SYTL4: variants seen among roughly 807,000 people sequenced by gnomAD.
The protein encoded by SYTL4 is synaptotagmin-like protein 4.
In SYTL4, 16 loss-of-function variants were observed where a neutral mutation model predicts 52.7. The ratio of observed to expected loss-of-function variants is 0.30; its 90% CI spans 0.21 to 0.46. The LOEUF is 0.46. SYTL4 is among the 20% of genes least tolerant of loss of function. SYTL4 has a pLI of 1.00. For missense variants in SYTL4, 423 were observed against 519.9 expected, an observed-to-expected ratio of 0.81 and a Z score of 1.81; for synonymous variants, 160 against 186.6, an observed-to-expected ratio of 0.86 and a Z score of 1.16.
At chrX:100,686,450 A>G (rs1356794009) in intron 15 of SYTL4, 2 of 391,171 alleles carry the variant, frequency 5.1e-6, no homozygotes, top group Non-Finnish European at 8.7e-6. Context: ...TCTTTTTTAC[A>G]TGAGATTTGT....
chrX:100,693,786 A>T (rs2083649686), intron 8 of SYTL4, among the ~76,000 whole-genome samples: 1 of 112,901 alleles, frequency 8.9e-6, no homozygotes, highest in Non-Finnish European at 1.9e-5. Flanking sequence ...AAAACATCCT[A>T]AATGTCCATC....
chrX:100,722,860 C>T (rs907399926), intron 2 of SYTL4, among the ~76,000 whole-genome samples: 3 of 111,567 alleles, frequency 2.7e-5, no homozygotes, highest in African/African-American at 9.8e-5. Context: ...TCTGAAATTG[C>T]TCTAAGGTCA....
intron 12 of SYTL4, among the ~76,000 whole-genome samples, chrX:100,689,570 C>T (rs1447507090): frequency 1.1e-5 from 1 of 88,077 alleles, no homozygotes; most frequent in Non-Finnish European, 2.1e-5. Flanking sequence ...ACCCAGGAGG[C>T]GGAGGTTGCA....
At position 100,730,109 on chromosome X, in the gene SYTL4, C is replaced by T. The variant is rs1036283074; in HGVS notation, c.-240+1309G>A. On this transcript the variant is annotated intron_variant, in intron 2 of 19. Coordinates refer to ENST00000372989, the MANE Select transcript of SYTL4 (RefSeq NM_001370165.1). ...GGAGAGGAAGAAGTTGAGTCAGGCA[C>T]ACATCCCTAGAATCCAGGGTTACCC... is the stretch of plus-strand genomic sequence containing the variant. Among the ~76,000 whole-genome samples the T allele has an allele frequency of 2.7e-5, 3 of 110,734 alleles. No individual in the cohort carries two copies. In the Admixed American group the frequency reaches 2.9e-4, roughly 11 times the overall value.
At chrX:100,682,835 C>CT (rs748257783) in intron 16 of SYTL4, among the ~76,000 whole-genome samples, 2 of 111,956 alleles carry the variant, frequency 1.8e-5, no homozygotes, top group South Asian at 7.4e-4. Context: ...ATGTCTGTCT[C>CT]TAACACTGCA....
chrX:100,681,159 C>A, intron 17 of SYTL4, 68 bp downstream of exon 17: 1 of 946,924 alleles, frequency 1.1e-6, no homozygotes, highest in Non-Finnish European at 1.5e-6. Context: ...AACCAGTAGC[C>A]AGCACCGGCC....
intron 8 of SYTL4, among the ~76,000 whole-genome samples, chrX:100,698,382 AGT>A (rs2083760682): frequency 8.9e-6 from 1 of 112,015 alleles, no homozygotes; most frequent in Non-Finnish European, 1.9e-5. Flanking sequence ...GGATTACAGG[AGT>A]GAGCCACTGT....
intron 8 of SYTL4, among the ~76,000 whole-genome samples, chrX:100,694,796 CA>C (rs1304570205): frequency 1.8e-5 from 2 of 111,443 alleles, no homozygotes; most frequent in African/African-American, 6.5e-5. Context: ...ATGAGGTAAC[CA>C]AAATCTATAA....
At chrX:100,697,541 A>C (rs1426688747) in intron 8 of SYTL4, among the ~76,000 whole-genome samples, 1 of 111,987 alleles carries the variant, frequency 8.9e-6, no homozygotes, top group Non-Finnish European at 1.9e-5. Context: ...AGATGGATGA[A>C]GAACCGAGTC....
At position 100,676,068 on chromosome X, in the gene SYTL4, T is replaced by C; in HGVS notation, c.1976A>G (p.Gln659Arg). The C allele has an allele frequency of 8.3e-7, 1 of 1,210,999 alleles. No individual in the cohort carries two copies. Among genetic ancestry groups the C allele is most frequent in the South Asian group, 1.8e-5 (1 of 56,736 alleles). ...CTGCTTGGCCATTGAGGAACGGAGC[T>C]GCAGAGTCCCTTCTGCCCAAGACCC... The part of the protein sequence containing the change: ...YPGSWAEGTL[Q>R]LRSSMAKQKL... Residue 659 changes from glutamine to arginine, a missense_variant, in exon 20 of 20, where the codon CAG becomes CGG. Transcript: ENST00000372989.
In SYTL4 at chrX:100,701,529, G is replaced by A. The variant is rs758844342; in HGVS notation, c.255C>T (p.His85=). Residue 85 remains histidine (H), a synonymous_variant, in exon 6 of 20, where the codon CAC becomes CAT. Transcript: ENST00000372989. ...GTATGCGGCAGTCCCGACACACCAGGTGATTACAACCCCGACAAGTATTGG... is the reference window on the plus strand; with the variant it reads ...GTATGCGGCAGTCCCGACACACCAGATGATTACAACCCCGACAAGTATTGG... ...PKTNTCRGCN[H]LVCRDCRIQE... is the part of the protein sequence containing the mutation. 1.8e-5 allele frequency: 22 copies of A among 1,209,862 alleles called. No individual in the cohort carries two copies. The highest frequency in any genetic ancestry group is 1.8e-5 in the African/African-American group (1 of 57,114).
intron 8 of SYTL4, among the ~76,000 whole-genome samples, chrX:100,698,097 C>CT (rs1429047877): frequency 4.5e-5 from 5 of 110,688 alleles, no homozygotes; most frequent in African/African-American, 9.8e-5. Context: ...AATTACTAAA[C>CT]TTTTTTTTTA....
chrX:100,713,480 G>A (rs934811922), intron 2 of SYTL4, among the ~76,000 whole-genome samples: 1 of 110,202 alleles, frequency 9.1e-6, no homozygotes, highest in Non-Finnish European at 1.9e-5. Flanking sequence ...GCTGGGTGTG[G>A]TGGTGCATGC....
intron 8 of SYTL4, among the ~76,000 whole-genome samples, chrX:100,696,888 A>G (rs371448391): frequency 4.5e-4 from 45 of 99,213 alleles, no homozygotes; most frequent in African/African-American, 1.3e-3. Flanking sequence ...AAGTTAGGGG[A>G]AAAAAAAACC....
At chrX:100,681,167 G>T (rs775634445) in intron 17 of SYTL4, 60 bp downstream of exon 17, 1 of 1,007,429 alleles carries the variant, frequency 9.9e-7, no homozygotes, top group East Asian at 3.1e-5. Context: ...GCCAGCACCG[G>T]CCTTGCACAG....
intron 15 of SYTL4, 110 bp from the exon 16 acceptor site, chrX:100,686,261 A>G: frequency 1.3e-6 from 1 of 772,438 alleles, no homozygotes; most frequent in Non-Finnish European, 1.8e-6. Context: ...CTGAATACCA[A>G]ATTACTTTAT....
At chrX:100,707,053 A>C (rs1264088809) in intron 2 of SYTL4, among the ~76,000 whole-genome samples, 1 of 111,566 alleles carries the variant, frequency 9.0e-6, no homozygotes, top group Non-Finnish European at 1.9e-5. Flanking sequence ...TGGTACAAGC[A>C]GATACAAACT....
rs1216197723 is a variant in SYTL4, at chrX:100,690,563, C to T, written c.717G>A (p.Lys239=). 8.3e-7 allele frequency: 1 copy of T among 1,201,169 alleles called. No individual in the cohort carries two copies. Among genetic ancestry groups the T allele is most frequent in the Non-Finnish European group, 1.1e-6 (1 of 889,827 alleles). ...GGTGGCTCAATAACCTGAAGCTTAC[C>T]TTTTCTACTTGAGATTTGGGAGCAG... is the stretch of plus-strand genomic sequence containing the variant. ...KMSAPKSQVE[K]ETQPGGQNVV... Residue 239 remains lysine (K), a splice_region_variant and synonymous_variant, in exon 10 of 20, where the codon AAG becomes AAA. Coordinates refer to ENST00000372989, the MANE Select transcript of SYTL4 (RefSeq NM_001370165.1).
Position 100,690,055 on chromosome X carries a change from C to A in SYTL4, c.808+20G>T, listed in dbSNP as rs753874586. 8.4e-7 allele frequency: 1 copy of A among 1,192,020 alleles called. No individual in the cohort carries two copies. Among genetic ancestry groups the A allele is most frequent in the East Asian group, 3.0e-5 (1 of 33,751 alleles). ...ACTCAGAACTTCAGTCCTGAAAGAC[C>A]AGTAAGGGAAACCAGTTACCTGAAG... On this transcript the variant is annotated intron_variant, in intron 11 of 19. Transcript: ENST00000372989.
Sources: gnomAD v4.1 joint callset for allele counts (sites outside exome capture counted in the v4.1 genomes callset) on GRCh38, gnomAD v4.1.1 for gene constraint, MANE v1.5 for transcripts, NCBI Gene and HGNC (gene_info 2026-07-23, HGNC 2026-07-21) for gene names.